The following GRAMD1C variants were observed in gnomAD, a reference collection of about 807,000 sequenced individuals.
GRAMD1C encodes GRAM domain containing 1C.
Under a neutral mutation model 97.8 loss-of-function variants are expected in GRAMD1C, and 89 were observed. The observed-to-expected ratio is 0.91, with a 90% CI of 0.77 to 1.09. The LOEUF is 1.09. Among genes scored for constraint, GRAMD1C ranks in the 50% least tolerant of loss-of-function variants. The probability of loss-of-function intolerance (pLI) is 0.00; values close to 1 mark genes in which losing one functional copy is unlikely to be tolerated. For synonymous variants in GRAMD1C, 256 were observed against 267.0 expected (o/e 0.96, Z 0.40); for missense variants, 740 against 766.4 (o/e 0.97, Z 0.41).
intron 1 of GRAMD1C, 72 bp downstream of exon 1, chr3:113,839,008 T>C: frequency 1.0e-6 from 1 of 955,208 alleles, no homozygotes; most frequent in Non-Finnish European, 1.4e-6. Context: ...GGTGATTGCT[T>C]GAACCTTCTC....
rs888143559 is a variant in GRAMD1C, at chr3:113,875,421, T to C, written c.260-63T>C. ...TGACTTTCCATCTGTTGAAATATAGTATAAGGTCTATTAATTTCTCAGATT... is the reference window on the plus strand; with the variant it reads ...TGACTTTCCATCTGTTGAAATATAGCATAAGGTCTATTAATTTCTCAGATT... On this transcript the variant is annotated intron_variant, in intron 3 of 17. Coordinates refer to ENST00000358160, the MANE Select transcript of GRAMD1C (RefSeq NM_017577.5). 2.3e-5 allele frequency: 18 copies of C among 771,990 alleles called. No homozygotes were observed. The African/African-American group carries it at 2.4e-4, about 10-fold the overall frequency. 47.8% of individuals were successfully genotyped at this position (771,990 alleles called of 1,614,324 possible).
At chr3:113,831,758 G>T (rs1271563149) in intron 1 of GRAMD1C, among the ~76,000 whole-genome samples, 1 of 142,898 alleles carries the variant, frequency 7.0e-6, no homozygotes, top group Non-Finnish European at 1.6e-5. Flanking sequence ...CAGCTCCAGA[G>T]TTTCTATGTG....
intron 10 of GRAMD1C, chr3:113,919,734 A>T (rs1279648791): frequency 8.5e-6 from 5 of 589,994 alleles, no homozygotes; most frequent in African/African-American, 1.9e-5. Context: ...GGCATTGAAG[A>T]TTGTCTACAT....
chr3:113,914,281 GT>G (rs2107337758), intron 9 of GRAMD1C, among the ~76,000 whole-genome samples: 1 of 152,312 alleles, frequency 6.6e-6, no homozygotes, highest in African/African-American at 2.4e-5. Flanking sequence ...GCAGTAAAGA[GT>G]TTTTGCCTAC....
In GRAMD1C at chr3:113,897,116, T is replaced by TG. The variant is rs1935978830; in HGVS notation, c.541-3915_541-3914insG. Among the ~76,000 whole-genome samples the TG allele has an allele frequency of 6.6e-5, 10 of 152,314 alleles. No individual in the cohort carries two copies. The South Asian group carries it at 2.1e-3, about 32-fold the overall frequency. On this transcript the variant is annotated intron_variant, in intron 6 of 17. Coordinates refer to ENST00000358160, the MANE Select transcript of GRAMD1C (RefSeq NM_017577.5). ...TCCTGCTATTTCCTTACGTTACATTTACAGCACTCAGAGATAGAATCTTTG... is the reference window on the plus strand; with the variant it reads ...TCCTGCTATTTCCTTACGTTACATTTGACAGCACTCAGAGATAGAATCTTTG...
chr3:113,832,299 A>G (rs1709569756), intron 1 of GRAMD1C, among the ~76,000 whole-genome samples: 1 of 152,146 alleles, frequency 6.6e-6, no homozygotes, highest in African/African-American at 2.4e-5. Context: ...AAGTGCTGGG[A>G]TTACAGGCAT....
upstream of GRAMD1C, among the ~76,000 whole-genome samples, chr3:113,837,257 C>G (rs1266676078): frequency 6.6e-6 from 1 of 152,144 alleles, no homozygotes; most frequent in Non-Finnish European, 1.5e-5. Context: ...CATGAGTTAG[C>G]CACTGTGCCT....
At chr3:113,843,049 GTTTTTTTTTT>G (rs71144092) in intron 1 of GRAMD1C, among the ~76,000 whole-genome samples, 4 of 53,400 alleles carry the variant, frequency 7.5e-5, no homozygotes, top group Non-Finnish European at 1.4e-4. Flanking sequence ...ACCATAAGCT[GTTTTTTTTTT>G]TTTTTTTTTT....
intron 2 of GRAMD1C, among the ~76,000 whole-genome samples, chr3:113,845,560 G>T (rs187922969): frequency 5.0e-4 from 76 of 152,038 alleles, no homozygotes; most frequent in Middle Eastern, 6.9e-3. Context: ...TTAGCCAGGC[G>T]TGGTGGCACA....
Position 113,915,759 on chromosome 3 carries a change from C to T in GRAMD1C, c.1011C>T (p.Ile337=). ...GRLFINRIFH[I]SADRMFELLF... is the part of the protein sequence containing the mutation. ...TTTTTATCAACCGTATTTTTCATAT[C>T]AGTGCTGACAGAATGTTTGAATTGC... is the stretch of plus-strand genomic sequence containing the variant. Residue 337 remains isoleucine, a synonymous_variant, in exon 10 of 18, where the codon ATC becomes ATT. Coordinates refer to ENST00000358160, the MANE Select transcript of GRAMD1C (RefSeq NM_017577.5). 1 of 1,608,128 alleles carries T rather than the reference C, an allele frequency of 6.2e-7. No homozygotes were observed. Among genetic ancestry groups the T allele is most frequent in the South Asian group, 1.1e-5 (1 of 90,902 alleles).
At chr3:113,932,592 ACT>A (rs1421201643) in intron 11 of GRAMD1C, among the ~76,000 whole-genome samples, 2 of 151,950 alleles carry the variant, frequency 1.3e-5, no homozygotes, top group East Asian at 3.9e-4. Flanking sequence ...AACACTTAAA[ACT>A]CTATAAACTT....
At chr3:113,941,666 T>C (rs927904433) in intron 17 of GRAMD1C, among the ~76,000 whole-genome samples, 16 of 151,418 alleles carry the variant, frequency 1.1e-4, no homozygotes, top group Non-Finnish European at 1.8e-4. Flanking sequence ...TCACCCAGTC[T>C]GGAGTGCAGT....
intron 2 of GRAMD1C, among the ~76,000 whole-genome samples, chr3:113,851,506 C>T (rs1375591089): frequency 6.7e-6 from 1 of 148,668 alleles, no homozygotes; most frequent in Admixed American, 6.9e-5. Context: ...AGATAATAGT[C>T]AAGTTTTCTT....
chr3:113,944,293 T>C (rs1937958055), intron 17 of GRAMD1C, among the ~76,000 whole-genome samples: 1 of 152,224 alleles, frequency 6.6e-6, no homozygotes, highest in Non-Finnish European at 1.5e-5. Flanking sequence ...AATCCATTCA[T>C]AGGAGCCGTC....
chr3:113,840,079 G>A (rs1466916385), intron 1 of GRAMD1C, among the ~76,000 whole-genome samples: 1 of 152,084 alleles, frequency 6.6e-6, no homozygotes, highest in African/African-American at 2.4e-5. Context: ...CCATTCTTCT[G>A]CCTCAGACTC....
Position 113,904,231 on chromosome 3 carries a change from G to C in GRAMD1C, c.748G>C (p.Val250Leu). 1 of 1,608,886 alleles carries C rather than the reference G, an allele frequency of 6.2e-7. No individual in the cohort carries two copies. Residue 250 changes from valine (V) to leucine (L), a missense_variant, in exon 8 of 18, where the codon GTT (valine) becomes CTT (leucine). Coordinates refer to ENST00000358160, the MANE Select transcript of GRAMD1C (RefSeq NM_017577.5). The part of the protein sequence containing the change: ...ISFTSESISR[V>L]SETESFDGNS... ...TTTTACCAGTGAATCAATTAGTCGG[G>C]TTTCAGAAACAGAGTCATTCGATGG...
intron 3 of GRAMD1C, among the ~76,000 whole-genome samples, chr3:113,871,169 C>T (rs893751979): frequency 6.6e-6 from 1 of 152,010 alleles, no homozygotes; most frequent in South Asian, 2.1e-4. Context: ...CAGATGTACT[C>T]ATAGAGAAAC....
intron 2 of GRAMD1C, among the ~76,000 whole-genome samples, chr3:113,863,208 A>G (rs1248407294): frequency 6.6e-6 from 1 of 152,202 alleles, no homozygotes; most frequent in East Asian, 1.9e-4. Context: ...ATGAATGCAT[A>G]GATAAAATGT....
At chr3:113,916,687 C>T (rs72954644) in intron 10 of GRAMD1C, among the ~76,000 whole-genome samples, 5,685 of 152,106 alleles carry the variant, frequency 0.037, 370 homozygotes, top group African/African-American at 0.13. Flanking sequence ...TGTATGTATT[C>T]CCTTTGTGAA....
Sources: gnomAD v4.1 joint callset for allele counts (sites outside exome capture counted in the v4.1 genomes callset) on GRCh38, gnomAD v4.1.1 for gene constraint, MANE v1.5 for transcripts, NCBI Gene and HGNC (gene_info 2026-07-23, HGNC 2026-07-21) for gene names.